SLC20A2: variants seen among roughly 807,000 people sequenced by gnomAD.
The protein encoded by SLC20A2 is sodium-dependent phosphate transporter 2.
SLC20A2 carries 30 observed loss-of-function variants against 61.0 expected under a neutral mutation model. The ratio of observed to expected loss-of-function variants is 0.49; its 90% confidence interval spans 0.37 to 0.67. The LOEUF (loss-of-function observed/expected upper bound fraction) is 0.67, where lower values mean the gene tolerates loss of function less well. Among genes scored for constraint, SLC20A2 ranks in the 30% least tolerant of loss-of-function variants. The pLI, the probability that SLC20A2 is intolerant of heterozygous loss-of-function variation, is 0.00. For missense variants in SLC20A2, 626 were observed against 866.4 expected (o/e 0.72, Z 3.48); for synonymous variants, 351 against 353.3 (o/e 0.99, Z 0.07).
At chr8:42,507,326 T>A (rs1398789233) in intron 1 of SLC20A2, among the ~76,000 whole-genome samples, 15 of 149,124 alleles carry the variant, frequency 1.0e-4, no homozygotes, top group African/African-American at 3.7e-4. Context: ...TTCACATACA[T>A]ACAAACAGAG....
chr8:42,488,302 C>T (rs1809209596), intron 1 of SLC20A2, among the ~76,000 whole-genome samples: 1 of 150,384 alleles, frequency 6.6e-6, no homozygotes, highest in African/African-American at 2.5e-5. Flanking sequence ...TCTCCTGCCT[C>T]AGTCTCCTGA....
chr8:42,494,607 T>A (rs1196274624), intron 1 of SLC20A2, among the ~76,000 whole-genome samples: 1 of 152,218 alleles, frequency 6.6e-6, no homozygotes, highest in African/African-American at 2.4e-5. Context: ...AGTTTTTACT[T>A]GATATACATC....
In SLC20A2 at chr8:42,466,928, C is replaced by T. The variant is rs2131198276; in HGVS notation, c.290-1011G>A. On this transcript the variant is annotated intron_variant, in intron 2 of 10. Coordinates refer to ENST00000520262, the MANE Select transcript of SLC20A2 (RefSeq NM_001257180.2). ...TAAGCAATCCTCCTGCTTCAGCCTC[C>T]CAAAGCCCTGGGATTACAGGCATGA... Among the ~76,000 whole-genome samples the T allele has an allele frequency of 1.3e-5, 2 of 152,282 alleles. 1 individual carries two copies. The highest frequency in any genetic ancestry group is 6.8e-3 in the Middle Eastern group (2 of 294).
intron 10 of SLC20A2, among the ~76,000 whole-genome samples, chr8:42,419,044 G>A (rs1802871114): frequency 1.4e-5 from 2 of 148,100 alleles, no homozygotes; most frequent in Non-Finnish European, 3.0e-5. Context: ...CCCTGAAATC[G>A]ACTGTAGTTA....
At chr8:42,528,677 AT>A (rs1368581541) in intron 1 of SLC20A2, among the ~76,000 whole-genome samples, 1 of 151,010 alleles carries the variant, frequency 6.6e-6, no homozygotes, top group Non-Finnish European at 1.5e-5. Context: ...TATTTTTTTA[AT>A]TTTTTTTGAG....
chr8:42,446,573 G>C (rs1198442813), intron 5 of SLC20A2, among the ~76,000 whole-genome samples: 1 of 152,192 alleles, frequency 6.6e-6, no homozygotes, highest in East Asian at 1.9e-4. Flanking sequence ...GTACTGATAA[G>C]GAAAGAGGCC....
At chr8:42,485,572 G>A (rs923494761) in intron 1 of SLC20A2, among the ~76,000 whole-genome samples, 1 of 146,924 alleles carries the variant, frequency 6.8e-6, no homozygotes, top group Non-Finnish European at 1.5e-5. Context: ...AACCCAGGAG[G>A]CAGAGGTTGC....
At chr8:42,474,839 G>A (rs1480972895) in intron 1 of SLC20A2, among the ~76,000 whole-genome samples, 3 of 151,542 alleles carry the variant, frequency 2.0e-5, no homozygotes, top group Non-Finnish European at 2.9e-5. Context: ...ACACAGTGTC[G>A]TGAGAGCACA....
intron 2 of SLC20A2, among the ~76,000 whole-genome samples, chr8:42,469,357 C>T (rs1385417977): frequency 6.6e-6 from 1 of 151,606 alleles, no homozygotes; most frequent in Non-Finnish European, 1.5e-5. Flanking sequence ...AAAACCAAAG[C>T]AAACAAAATC....
chr8:42,522,452 G>T (rs953959725), intron 1 of SLC20A2, among the ~76,000 whole-genome samples: 16,509 of 120,590 alleles, frequency 0.14, 4,300 homozygotes, highest in African/African-American at 0.36. Context: ...GGGCCGAGGC[G>T]GGTGGATCAC....
chr8:42,466,027 T>C (rs909116899), intron 2 of SLC20A2, 110 bp from the exon 3 acceptor site: 23 of 998,936 alleles, frequency 2.3e-5, no homozygotes, highest in Non-Finnish European at 3.1e-5. Context: ...TTTAATTTTC[T>C]GTGAATTGTT....
At chr8:42,482,756 T>A (rs190334788) in intron 1 of SLC20A2, among the ~76,000 whole-genome samples, 1 of 152,072 alleles carries the variant, frequency 6.6e-6, no homozygotes, top group Non-Finnish European at 1.5e-5. Flanking sequence ...CTGGGCACGA[T>A]GGCTTATGCC....
At chr8:42,488,948 T>G (rs1008424109) in intron 1 of SLC20A2, among the ~76,000 whole-genome samples, 2 of 144,848 alleles carry the variant, frequency 1.4e-5, no homozygotes, top group African/African-American at 5.3e-5. Flanking sequence ...TTTTTTTTTT[T>G]TTTTTTTTTG....
In SLC20A2 at chr8:42,533,654, C is replaced by CTTTTTTTCTTTTTTTTTTTTTT. The variant is rs1253260874; in HGVS notation, c.-265+8166_-265+8167insAAAAAAAAAAAAAAGAAAAAAA. On this transcript the variant is annotated intron_variant, in intron 1 of 10. Transcript: ENST00000342228. ...TTAATGGCCTTAATGATCAACTGTT[C>CTTTTTTTCTTTTTTTTTTTTTT]TTTTTTTTTTTTTTTTTTTTTTGAG... Among the ~76,000 whole-genome samples the CTTTTTTTCTTTTTTTTTTTTTT allele has an allele frequency of 7.8e-3, 429 of 55,270 alleles. 73 individuals carry two copies. The highest frequency in any genetic ancestry group is 0.013 in the Middle Eastern group (1 of 78). The allele number at this position is 55,270 out of a possible 152,430, so 36.3% of individuals were successfully genotyped here. A position where few individuals can be genotyped will look rare whatever the true frequency, so the allele number is the denominator to read the frequency against.
In SLC20A2 at chr8:42,443,266, TATATATATATATA is replaced by T. The variant is rs1804930914; in HGVS notation, c.730+1367_730+1379del. 4.0e-3 allele frequency among the ~76,000 whole-genome samples: 376 copies of T among 93,432 alleles called. 10 individuals carry two copies. Among genetic ancestry groups the T allele is most frequent in the African/African-American group, 8.4e-3 (210 of 24,970 alleles). The allele number at this position is 93,432 out of a possible 152,430, so 61.3% of individuals were successfully genotyped here. A position where few individuals can be genotyped will look rare whatever the true frequency, so the allele number is the denominator to read the frequency against. ...TAATAATACAATTATTATTATAGGA[TATATATATATATA>T]TATATATATATATATATATATATAT... On this transcript the variant is annotated intron_variant, in intron 6 of 10. Coordinates refer to ENST00000520262, the MANE Select transcript of SLC20A2 (RefSeq NM_001257180.2).
At chr8:42,491,320 T>G (rs1253897539) in intron 1 of SLC20A2, among the ~76,000 whole-genome samples, 2 of 151,986 alleles carry the variant, frequency 1.3e-5, no homozygotes, top group Non-Finnish European at 2.9e-5. Flanking sequence ...AAGACCAGCC[T>G]GGCCAACAGT....
At position 42,465,796 on chromosome 8, in the gene SLC20A2, C is replaced by T. The variant is rs1052367854; in HGVS notation, c.411G>A (p.Trp137Ter). 1.2e-6 allele frequency: 2 copies of T among 1,607,976 alleles called. No homozygotes were observed. Among genetic ancestry groups the T allele is most frequent in the African/African-American group, 1.3e-5 (1 of 74,440 alleles). The change falls in exon 3 of 11, where the codon TGG becomes TGA. Residue 137 changes from tryptophan (W) to a stop codon, truncating the protein, a stop_gained. Transcript: ENST00000520262. LOFTEE classifies it high-confidence loss of function. ...LVAIGTKGVQ[W>*]MELVKIVASW... ...AATTACCAATCTTGACAAGCTCCAT[C>T]CACTGCACACCTTTGGTACCGATTG... is the stretch of plus-strand genomic sequence containing the variant.
chr8:42,461,540 C>T (rs1293337883), intron 4 of SLC20A2, among the ~76,000 whole-genome samples: 1 of 151,608 alleles, frequency 6.6e-6, no homozygotes, highest in Non-Finnish European at 1.5e-5. Context: ...CAACCTCTGC[C>T]TCCAAGTTCA....
chr8:42,427,101 C>CT (rs1031437375), intron 10 of SLC20A2, among the ~76,000 whole-genome samples: 4 of 152,274 alleles, frequency 2.6e-5, no homozygotes, highest in Non-Finnish European at 5.9e-5. Flanking sequence ...TCCTGCCTTC[C>CT]TTCCCCATGC....
Sources: gnomAD v4.1 joint callset for allele counts (sites outside exome capture counted in the v4.1 genomes callset) on GRCh38, gnomAD v4.1.1 for gene constraint, MANE v1.5 for transcripts, NCBI Gene and HGNC (gene_info 2026-07-23, HGNC 2026-07-21) for gene names.